TMEM178A: variants seen among roughly 807,000 people sequenced by gnomAD.
The protein encoded by TMEM178A is transmembrane protein 178.
Under a neutral mutation model 29.1 loss-of-function variants are expected in TMEM178A, and 12 were observed. The observed-to-expected ratio is 0.41, with a 90% CI of 0.26 to 0.67. The LOEUF (loss-of-function observed/expected upper bound fraction) is 0.67. TMEM178A is among the 30% of genes least tolerant of loss of function. TMEM178A has a pLI of 0.29. For missense variants in TMEM178A, 366 were observed against 419.1 expected (o/e 0.87, Z 1.11); for synonymous variants, 210 against 187.2 (o/e 1.12, Z -0.99).
chr2:39,730,892 C>T, the TMEM178A span, among the ~76,000 whole-genome samples: 1 of 152,172 alleles, frequency 6.6e-6, no homozygotes, highest in African/African-American at 2.4e-5. Flanking sequence ...AGAAATAGCA[C>T]CATCTATTGG....
downstream of TMEM178A, among the ~76,000 whole-genome samples, chr2:39,719,394 A>G (rs554214940): frequency 5.9e-5 from 9 of 152,342 alleles, no homozygotes; most frequent in South Asian, 1.9e-3. Flanking sequence ...AAGGGTTCAC[A>G]CACCAGAAAG....
intron 3 of TMEM178A, among the ~76,000 whole-genome samples, chr2:39,712,391 C>T (rs1392229814): frequency 3.3e-5 from 5 of 151,956 alleles, no homozygotes; most frequent in Admixed American, 6.6e-5. Flanking sequence ...TCTTACCAGC[C>T]GGCATCATGA....
intron 1 of TMEM178A, among the ~76,000 whole-genome samples, chr2:39,701,763 C>A (rs1005910385): frequency 3.3e-5 from 5 of 152,060 alleles, no homozygotes; most frequent in African/African-American, 1.2e-4. Context: ...TGGATGATTT[C>A]AATGGACCTA....
chr2:39,713,635 C>G (rs1005181345), intron 3 of TMEM178A, among the ~76,000 whole-genome samples: 6 of 152,156 alleles, frequency 3.9e-5, no homozygotes, highest in African/African-American at 1.2e-4. Flanking sequence ...AAAAGCCAAC[C>G]CCGCTGACAC....
At chr2:39,702,184 G>C (rs1021193441) in intron 1 of TMEM178A, among the ~76,000 whole-genome samples, 3 of 151,954 alleles carry the variant, frequency 2.0e-5, no homozygotes, top group Non-Finnish European at 2.9e-5. Context: ...TTCTAGGGTT[G>C]ATTATTGTTT....
intron 1 of TMEM178A, among the ~76,000 whole-genome samples, chr2:39,684,669 C>A (rs1004039521): frequency 3.9e-5 from 6 of 152,204 alleles, no homozygotes; most frequent in African/African-American, 1.4e-4. Flanking sequence ...CTCCTGATAA[C>A]TTACTGGATG....
At chr2:39,702,613 C>T (rs1433218394) in intron 1 of TMEM178A, among the ~76,000 whole-genome samples, 1 of 151,654 alleles carries the variant, frequency 6.6e-6, no homozygotes, top group Non-Finnish European at 1.5e-5. Context: ...ATGTAAACAG[C>T]TACCTTTAAT....
At chr2:39,673,353 G>A (rs975861570) in intron 1 of TMEM178A, among the ~76,000 whole-genome samples, 3 of 152,184 alleles carry the variant, frequency 2.0e-5, no homozygotes, top group Admixed American at 1.3e-4. Context: ...GTGAACAAAC[G>A]GGGACAAATA....
intron 1 of TMEM178A, among the ~76,000 whole-genome samples, chr2:39,679,853 G>C (rs1670793091): frequency 6.6e-6 from 1 of 152,178 alleles, no homozygotes; most frequent in Admixed American, 6.5e-5. Context: ...CTTGGTTGCT[G>C]TCCTTCATCA....
intron 1 of TMEM178A, among the ~76,000 whole-genome samples, chr2:39,686,763 C>T (rs1190808219): frequency 6.6e-6 from 1 of 152,132 alleles, no homozygotes; most frequent in Admixed American, 6.5e-5. Context: ...CCTCTAAACT[C>T]CTCCTATCCA....
intron 1 of TMEM178A, among the ~76,000 whole-genome samples, chr2:39,678,363 T>G (rs775983770): frequency 6.6e-6 from 1 of 151,944 alleles, no homozygotes; most frequent in African/African-American, 2.4e-5. Context: ...GATAAGAAAA[T>G]GTGGTATGTC....
intron 1 of TMEM178A, among the ~76,000 whole-genome samples, chr2:39,672,877 T>C (rs1381990571): frequency 6.6e-6 from 1 of 152,144 alleles, no homozygotes; most frequent in Non-Finnish European, 1.5e-5. Flanking sequence ...AGATCAGTTT[T>C]TGTTGGAGGA....
intron 1 of TMEM178A, among the ~76,000 whole-genome samples, chr2:39,679,659 G>A (rs908124852): frequency 3.3e-5 from 5 of 152,078 alleles, no homozygotes; most frequent in African/African-American, 1.2e-4. Context: ...ACTTAGTAGG[G>A]CAGTTTTCAG....
intron 1 of TMEM178A, among the ~76,000 whole-genome samples, chr2:39,683,992 A>G (rs943674993): frequency 1.3e-5 from 2 of 152,176 alleles, no homozygotes; most frequent in Non-Finnish European, 2.9e-5. Context: ...TTAATTATTG[A>G]ATTATGTATG....
chr2:39,681,622 G>T (rs1054445608), intron 1 of TMEM178A, among the ~76,000 whole-genome samples: 2 of 151,946 alleles, frequency 1.3e-5, no homozygotes, highest in Non-Finnish European at 2.9e-5. Context: ...TGGGATTTTT[G>T]TTTGTTTGTT....
intron 1 of TMEM178A, among the ~76,000 whole-genome samples, chr2:39,667,340 T>C (rs1250712790): frequency 1.3e-5 from 2 of 152,204 alleles, no homozygotes; most frequent in African/African-American, 4.8e-5. Context: ...GTTTGATTTT[T>C]TTTTTTTTTT....
At chr2:39,682,538 T>C (rs892898216) in intron 1 of TMEM178A, among the ~76,000 whole-genome samples, 1 of 152,132 alleles carries the variant, frequency 6.6e-6, no homozygotes, top group African/African-American at 2.4e-5. Flanking sequence ...GGGCCATAGA[T>C]GAAGCAAGTA....
At chr2:39,712,266 G>C (rs2148115521) in intron 3 of TMEM178A, among the ~76,000 whole-genome samples, 1 of 152,184 alleles carries the variant, frequency 6.6e-6, no homozygotes, top group South Asian at 2.1e-4. Flanking sequence ...GGGTGTTGTA[G>C]TTACATTATT....
At position 39,666,354 on chromosome 2, in the gene TMEM178A, T is replaced by C; in HGVS notation, c.380T>C (p.Ile127Thr). Residue 127 changes from isoleucine (I) to threonine (T), a missense_variant, in exon 1 of 4, where the codon ATC becomes ACC. Ile to Thr is a moderately conservative substitution (Grantham distance 89). This residue lies in a region of TMEM178A where 247 missense variants were observed against 246.8 expected (regional missense o/e 1.00). Transcript: ENST00000281961. ...TACTTCCTGGGCATCGACCGGGACA[T>C]CGACACCCTCATCCTGAAAGGTGAG... ...KCYFLGIDRD[I>T]DTLILKGIAQ... is the part of the protein sequence containing the mutation. 7.0e-7 allele frequency: 1 copy of C among 1,437,270 alleles called. No homozygotes were observed. 89.0% of individuals were successfully genotyped at this position (1,437,270 alleles called of 1,614,324 possible).
Sources: allele counts gnomAD v4.1 joint callset (sites outside exome capture counted in the v4.1 genomes callset), GRCh38; gene constraint gnomAD v4.1.1; regional missense constraint gnomAD v4.1.1; transcripts MANE v1.5; gene names NCBI Gene and HGNC (gene_info 2026-07-23, HGNC 2026-07-21).